PTN: variants seen among roughly 807,000 people sequenced by gnomAD.
PTN encodes heparin affin regulatory protein.
PTN carries 18 observed loss-of-function variants against 24.1 expected under a neutral mutation model. That is an observed-to-expected ratio of 0.75 (90% CI 0.52 to 1.11). The LOEUF is 1.11. Among genes scored for constraint, PTN ranks in the 50% least tolerant of loss-of-function variants. The pLI is 0.00. For synonymous variants in PTN, 78 were observed against 68.6 expected (o/e 1.14, Z -0.67); for missense variants, 163 against 198.8 (o/e 0.82, Z 1.08).
At chr7:137,284,052 C>G (rs1032959429) in intron 1 of PTN, among the ~76,000 whole-genome samples, 33 of 144,586 alleles carry the variant, frequency 2.3e-4, no homozygotes, top group African/African-American at 8.5e-4. Flanking sequence ...CTGCAAGCTC[C>G]GCCTCCCGGG....
chr7:137,236,066 T>C (rs1808515287), intron 4 of PTN: 1 of 650,058 alleles, frequency 1.5e-6, no homozygotes, highest in Admixed American at 2.4e-5. Context: ...TTAGTGAAGA[T>C]GAAATTACTT....
At chr7:137,294,405 G>A (rs1294398284) in intron 1 of PTN, among the ~76,000 whole-genome samples, 1 of 152,090 alleles carries the variant, frequency 6.6e-6, no homozygotes, top group Non-Finnish European at 1.5e-5. Flanking sequence ...CTCTGGCTTG[G>A]GCAGCCTTGT....
intron 1 of PTN, among the ~76,000 whole-genome samples, chr7:137,327,735 T>C (rs1810286294): frequency 6.6e-6 from 1 of 152,212 alleles, no homozygotes; most frequent in South Asian, 2.1e-4. Context: ...AACCACTCTT[T>C]TATCATTTCA....
intron 4 of PTN, among the ~76,000 whole-genome samples, chr7:137,240,757 G>A (rs1029950868): frequency 3.3e-5 from 5 of 152,174 alleles, no homozygotes; most frequent in African/African-American, 1.2e-4. Flanking sequence ...GTCAGGGTGG[G>A]TCTAAAATTC....
chr7:137,286,756 T>A (rs547150017), intron 1 of PTN, among the ~76,000 whole-genome samples: 4 of 152,180 alleles, frequency 2.6e-5, no homozygotes, highest in African/African-American at 9.6e-5. Context: ...TCAGAATGAG[T>A]TAAAAAGCAG....
chr7:137,325,089 C>T (rs541265820), intron 1 of PTN, among the ~76,000 whole-genome samples: 15 of 152,252 alleles, frequency 9.9e-5, no homozygotes, highest in African/African-American at 3.4e-4. Flanking sequence ...AGATTTTACC[C>T]TCCCAGGCCC....
intron 1 of PTN, among the ~76,000 whole-genome samples, chr7:137,342,330 T>C (rs1338323709): frequency 6.6e-6 from 1 of 152,128 alleles, no homozygotes; most frequent in East Asian, 1.9e-4. Context: ...CATCACCCCT[T>C]TCTCAAGCTG....
At position 137,298,431 on chromosome 7, in the gene PTN, T is replaced by C. The variant is rs527315451; in HGVS notation, c.-1-43457A>G. 3.3e-5 allele frequency among the ~76,000 whole-genome samples: 5 copies of C among 152,026 alleles called. No individual in the cohort carries two copies. In the East Asian group the frequency reaches 9.7e-4, roughly 30 times the overall value. Reference sequence around the variant, plus strand: ...GAAATTTATTTTTTTTCAAATTTTATGATCCTTCCACAGGTTTTAACATAA... The same window carrying C: ...GAAATTTATTTTTTTTCAAATTTTACGATCCTTCCACAGGTTTTAACATAA... On this transcript the variant is annotated intron_variant, in intron 1 of 4. Coordinates refer to ENST00000348225, the MANE Select transcript of PTN (RefSeq NM_002825.7).
chr7:137,332,949 G>A (rs1351436016), intron 1 of PTN, among the ~76,000 whole-genome samples: 1 of 152,166 alleles, frequency 6.6e-6, no homozygotes, highest in East Asian at 1.9e-4. Flanking sequence ...GTTTTACATG[G>A]TTTCTGCTAT....
intron 3 of PTN, among the ~76,000 whole-genome samples, chr7:137,253,134 G>A (rs1254740348): frequency 6.6e-6 from 1 of 152,180 alleles, no homozygotes; most frequent in Non-Finnish European, 1.5e-5. Flanking sequence ...GAAAGGCAGT[G>A]GTTCCCAACC....
At chr7:137,273,030 G>A (rs1256358632) in intron 1 of PTN, among the ~76,000 whole-genome samples, 2 of 152,202 alleles carry the variant, frequency 1.3e-5, no homozygotes, top group Non-Finnish European at 2.9e-5. Context: ...GTGTGATTGT[G>A]ATTGTGTTTG....
intron 1 of PTN, among the ~76,000 whole-genome samples, chr7:137,311,662 G>A (rs995919299): frequency 9.2e-5 from 14 of 152,166 alleles, no homozygotes; most frequent in African/African-American, 1.4e-4. Flanking sequence ...TCAATAAGAG[G>A]AAGAGAGACA....
chr7:137,257,402 G>A (rs115179691), intron 1 of PTN, among the ~76,000 whole-genome samples: 2,879 of 152,232 alleles, frequency 0.019, 103 homozygotes, highest in African/African-American at 0.067. Flanking sequence ...CTTTTCCTGC[G>A]CTTTTAATTG....
At chr7:137,310,532 G>A (rs936565294) in intron 1 of PTN, among the ~76,000 whole-genome samples, 5 of 151,674 alleles carry the variant, frequency 3.3e-5, no homozygotes, top group African/African-American at 1.2e-4. Flanking sequence ...TGAGTAGCTG[G>A]GATTACAGGC....
chr7:137,255,102 C>G, intron 1 of PTN, 128 bp from the exon 2 acceptor site: 3 of 560,624 alleles, frequency 5.4e-6, no homozygotes, highest in Non-Finnish European at 8.7e-6. Context: ...AGATTCATAT[C>G]AATTATCTTG....
intron 4 of PTN, among the ~76,000 whole-genome samples, chr7:137,249,305 G>A (rs1716441335): frequency 6.6e-6 from 1 of 150,582 alleles, no homozygotes; most frequent in South Asian, 2.1e-4. Flanking sequence ...GTGTGTGTGT[G>A]TTACATGTGT....
At chr7:137,324,433 A>AAAAAAAAAATATATATATATAT in intron 1 of PTN, among the ~76,000 whole-genome samples, 46 of 88,738 alleles carry the variant, frequency 5.2e-4, no homozygotes, top group African/African-American at 2.9e-3. Flanking sequence ...AAAAAAAAAA[A>AAAAAAAAAATATATATATATAT]ATATATATAT....
At chr7:137,287,036 A>C (rs1010664663) in intron 1 of PTN, among the ~76,000 whole-genome samples, 1 of 152,200 alleles carries the variant, frequency 6.6e-6, no homozygotes, top group Non-Finnish European at 1.5e-5. Flanking sequence ...ACTTGATTTG[A>C]GTCCTAATTA....
intron 1 of PTN, among the ~76,000 whole-genome samples, chr7:137,288,715 C>G (rs994818475): frequency 6.6e-6 from 1 of 152,026 alleles, no homozygotes; most frequent in Non-Finnish European, 1.5e-5. Context: ...GGGGAAGAAA[C>G]CTTTTATCTG....
Sources: gnomAD v4.1 joint callset for allele counts (sites outside exome capture counted in the v4.1 genomes callset) on GRCh38, gnomAD v4.1.1 for gene constraint, MANE v1.5 for transcripts, NCBI Gene and HGNC (gene_info 2026-07-23, HGNC 2026-07-21) for gene names.